The following AGO2 variants were observed in gnomAD, a reference collection of about 807,000 sequenced individuals.
The protein encoded by AGO2 is argonaute RISC catalytic component 2, also known as protein argonaute-2.
Under a neutral mutation model 102.3 loss-of-function variants are expected in AGO2, and 5 were observed. The ratio of observed to expected loss-of-function variants is 0.05; its 90% CI spans 0.03 to 0.10. The LOEUF (loss-of-function observed/expected upper bound fraction) is 0.10, where lower values mean the gene tolerates loss of function less well. AGO2 is among the 10% of genes least tolerant of loss of function. The probability of loss-of-function intolerance (pLI) is 1.00; values close to 1 mark genes in which losing one functional copy is unlikely to be tolerated. For missense variants in AGO2, 541 were observed against 1,183.7 expected, an observed-to-expected ratio of 0.46 and a Z score of 7.97; for synonymous variants, 449 against 473.1, an observed-to-expected ratio of 0.95 and a Z score of 0.66.
At chr8:140,607,919 C>A (rs1194589650) in intron 1 of AGO2, among the ~76,000 whole-genome samples, 1 of 152,098 alleles carries the variant, frequency 6.6e-6, no homozygotes, top group Admixed American at 6.6e-5. Context: ...TAAACCGGTC[C>A]GTTTTGTTCC....
chr8:140,560,804 C>A (rs1163522519), intron 4 of AGO2, among the ~76,000 whole-genome samples: 1 of 152,236 alleles, frequency 6.6e-6, no homozygotes, highest in Non-Finnish European at 1.5e-5. Context: ...TGTTTCTGGT[C>A]CAGACTCCCT....
chr8:140,582,498 T>C (rs2073572739), intron 2 of AGO2, among the ~76,000 whole-genome samples: 1 of 152,208 alleles, frequency 6.6e-6, no homozygotes, highest in Non-Finnish European at 1.5e-5. Flanking sequence ...CTTGAAACAC[T>C]TCTAGTCCTA....
chr8:140,555,859 C>A, intron 10 of AGO2, 37 bp downstream of exon 10: 1 of 1,598,412 alleles, frequency 6.3e-7, no homozygotes, highest in Non-Finnish European at 8.5e-7. Flanking sequence ...CAGAGACATG[C>A]CCCGCAGCCA....
chr8:140,585,723 A>G (rs2073645734), intron 1 of AGO2, among the ~76,000 whole-genome samples: 1 of 152,242 alleles, frequency 6.6e-6, no homozygotes, highest in Non-Finnish European at 1.5e-5. Flanking sequence ...TCAAGTTTTC[A>G]GTGGCTCCAT....
At chr8:140,558,118 A>T (rs2073131911) in intron 7 of AGO2, among the ~76,000 whole-genome samples, 1 of 152,114 alleles carries the variant, frequency 6.6e-6, no homozygotes. Flanking sequence ...TGCCGTAATG[A>T]TGGGACACGC....
At chr8:140,615,077 C>T (rs1384001786) in intron 1 of AGO2, among the ~76,000 whole-genome samples, 3 of 152,134 alleles carry the variant, frequency 2.0e-5, no homozygotes, top group Admixed American at 6.5e-5. Context: ...GCATTTAAAA[C>T]GTTCCACTTT....
chr8:140,584,016 A>G (rs1331452213), intron 2 of AGO2, among the ~76,000 whole-genome samples: 1 of 152,210 alleles, frequency 6.6e-6, no homozygotes, highest in Non-Finnish European at 1.5e-5. Context: ...GTCATGCGGT[A>G]CATGACTGTA....
At chr8:140,543,064 G>A (rs2072829464) in intron 14 of AGO2, among the ~76,000 whole-genome samples, 2 of 152,118 alleles carry the variant, frequency 1.3e-5, no homozygotes, top group African/African-American at 4.8e-5. Flanking sequence ...TTGAACCTGG[G>A]AGGCAAAGGT....
chr8:140,604,124 G>A (rs563613838), intron 1 of AGO2, among the ~76,000 whole-genome samples: 3 of 152,324 alleles, frequency 2.0e-5, no homozygotes, highest in East Asian at 1.9e-4. Context: ...GACACAGTAC[G>A]AAATGCTGCT....
At chr8:140,582,235 T>C (rs1564099370) in intron 2 of AGO2, among the ~76,000 whole-genome samples, 1 of 152,002 alleles carries the variant, frequency 6.6e-6, no homozygotes, top group Non-Finnish European at 1.5e-5. Context: ...TGACCAAGAG[T>C]TCCTGGCCTA....
At position 140,544,506 on chromosome 8, in the gene AGO2, T is replaced by TA. The variant is rs536583788; in HGVS notation, c.1749-204_1749-203insT. On this transcript the variant is annotated intron_variant, in intron 13 of 18. Transcript: ENST00000220592. Reference sequence around the variant, plus strand: ...AAATCTGCTTCAGAATAGCCACGGGTTGGGGGGCTTGGGTGGAGTGTACTC... The same window carrying TA: ...AAATCTGCTTCAGAATAGCCACGGGTATGGGGGGCTTGGGTGGAGTGTACTC... Among the ~76,000 whole-genome samples, 133 of 152,198 alleles carry TA rather than the reference T, an allele frequency of 8.7e-4. 2 individuals are homozygous for TA. The highest frequency in any genetic ancestry group is 3.1e-3 in the African/African-American group (129 of 41,526).
chr8:140,618,700 C>T (rs2074175286), intron 1 of AGO2, among the ~76,000 whole-genome samples: 1 of 151,314 alleles, frequency 6.6e-6, no homozygotes, highest in Admixed American at 6.6e-5. Context: ...TGGCGGGGTG[C>T]ACCTGCAGTC....
chr8:140,549,998 G>A (rs1466729301), intron 11 of AGO2, among the ~76,000 whole-genome samples: 4 of 152,216 alleles, frequency 2.6e-5, no homozygotes, highest in African/African-American at 7.2e-5. Flanking sequence ...CATTAGATCA[G>A]GTCAAGAAAC....
intron 3 of AGO2, among the ~76,000 whole-genome samples, chr8:140,568,442 G>C (rs2073326446): frequency 1.3e-5 from 2 of 152,172 alleles, no homozygotes; most frequent in South Asian, 4.1e-4. Context: ...GCTGAGGAGG[G>C]AGCGAGGGAG....
At position 140,559,536 on chromosome 8, in the gene AGO2, G is replaced by A; in HGVS notation, c.656-7C>T. 1 of 1,613,758 alleles carries A rather than the reference G, an allele frequency of 6.2e-7. No individual in the cohort carries two copies. Among genetic ancestry groups the A allele is most frequent in the Non-Finnish European group, 8.5e-7 (1 of 1,179,958 alleles). On this transcript the variant is annotated splice_region_variant and splice_polypyrimidine_tract_variant and intron_variant, in intron 5 of 18. Coordinates refer to ENST00000220592, the MANE Select transcript of AGO2 (RefSeq NM_012154.5). ...TAAAACGCTGTTGCTGACACTGTAG[G>A]CGAGAAAAGAGGCAAAGGCCTAAGC...
intron 2 of AGO2, among the ~76,000 whole-genome samples, chr8:140,581,777 G>T (rs750002886): frequency 6.6e-6 from 1 of 152,198 alleles, no homozygotes; most frequent in Non-Finnish European, 1.5e-5. Flanking sequence ...CATATTTAAA[G>T]AACCTCATAG....
intron 1 of AGO2, among the ~76,000 whole-genome samples, chr8:140,629,870 G>A (rs531978149): frequency 1.4e-4 from 21 of 145,388 alleles, no homozygotes; most frequent in African/African-American, 4.8e-4. Flanking sequence ...GGGGAGGGGA[G>A]GGGAGCAGGG....
In AGO2 at chr8:140,585,283, G is replaced by C. The variant is rs750147617; in HGVS notation, c.51C>G (p.Pro17=). The change falls in exon 2 of 19, where the codon CCC becomes CCG. Residue 17 remains proline (P), a synonymous_variant. Coordinates refer to ENST00000220592, the MANE Select transcript of AGO2 (RefSeq NM_012154.5). Reference sequence around the variant, plus strand: ...GAGGCTTGAAGGCATATCCTTGGATGGGGGGCGGCGGCGCAGGAGGTGCAA... The same window carrying C: ...GAGGCTTGAAGGCATATCCTTGGATCGGGGGCGGCGGCGCAGGAGGTGCAA... The part of the protein sequence containing the change: ...PALAPPAPPP[P]IQGYAFKPPP... 175 of 1,613,786 alleles carry C rather than the reference G, an allele frequency of 1.1e-4. 3 individuals carry two copies. The South Asian group carries it at 1.7e-3, about 16-fold the overall frequency.
At chr8:140,580,587 C>T (rs138842735) in intron 2 of AGO2, among the ~76,000 whole-genome samples, 1 of 152,314 alleles carries the variant, frequency 6.6e-6, no homozygotes, top group African/African-American at 2.4e-5. Context: ...GCACCATCCA[C>T]CTCCCCACTG....
Sources: gnomAD v4.1 joint callset for allele counts (sites outside exome capture counted in the v4.1 genomes callset) on GRCh38, gnomAD v4.1.1 for gene constraint, MANE v1.5 for transcripts, NCBI Gene and HGNC (gene_info 2026-07-23, HGNC 2026-07-21) for gene names.